The following GRM7 variants were observed in gnomAD, a reference collection of about 807,000 sequenced individuals.
The protein encoded by GRM7 is glutamate metabotropic receptor 7.
Under a neutral mutation model 84.5 loss-of-function variants are expected in GRM7, and 35 were observed. That is an observed-to-expected ratio of 0.41 (90% CI 0.32 to 0.55). The LOEUF (loss-of-function observed/expected upper bound fraction) is 0.55, where lower values mean the gene tolerates loss of function less well. Among genes scored for constraint, GRM7 ranks in the 20% least tolerant of loss-of-function variants. The probability of loss-of-function intolerance (pLI) is 0.19; values close to 1 mark genes in which losing one functional copy is unlikely to be tolerated. For synonymous variants in GRM7, 487 were observed against 455.1 expected (o/e 1.07, Z -0.89); for missense variants, 1,003 against 1,194.6 (o/e 0.84, Z 2.36).
intron 8 of GRM7, among the ~76,000 whole-genome samples, chr3:7,650,140 T>C (rs1425257962): frequency 6.6e-6 from 1 of 152,198 alleles, no homozygotes; most frequent in Non-Finnish European, 1.5e-5. Flanking sequence ...ATTTAAAAAA[T>C]GACTTAATGA....
At chr3:7,079,898 C>T (rs758765296) in intron 1 of GRM7, among the ~76,000 whole-genome samples, 5 of 152,152 alleles carry the variant, frequency 3.3e-5, no homozygotes, top group Non-Finnish European at 5.9e-5. Flanking sequence ...GGAGCAAGTG[C>T]TCAATAAGTG....
intron 2 of GRM7, among the ~76,000 whole-genome samples, chr3:7,261,020 G>T (rs528343380): frequency 6.6e-6 from 1 of 152,200 alleles, no homozygotes; most frequent in African/African-American, 2.4e-5. Flanking sequence ...CTGCTAGGGG[G>T]GTGCCAGTCT....
intron 2 of GRM7, among the ~76,000 whole-genome samples, chr3:7,250,948 TTAGC>T (rs1387758085): frequency 6.6e-6 from 1 of 152,168 alleles, no homozygotes; most frequent in Non-Finnish European, 1.5e-5. Context: ...TACTTGATTA[TTAGC>T]TAGAGAAACC....
chr3:7,728,125 C>G (rs954879177), intron 9 of GRM7, among the ~76,000 whole-genome samples: 5 of 152,140 alleles, frequency 3.3e-5, no homozygotes, highest in Non-Finnish European at 5.9e-5. Context: ...ACACACGTAC[C>G]CTTCTCACAT....
At chr3:7,065,175 C>G (rs1161590885) in intron 1 of GRM7, among the ~76,000 whole-genome samples, 1 of 151,912 alleles carries the variant, frequency 6.6e-6, no homozygotes, top group African/African-American at 2.4e-5. Context: ...TTTTGCTGTG[C>G]AAAAGCTCTT....
At chr3:7,142,274 A>G (rs183967270) in intron 1 of GRM7, among the ~76,000 whole-genome samples, 2 of 152,202 alleles carry the variant, frequency 1.3e-5, no homozygotes, top group East Asian at 3.9e-4. Context: ...ATTAATAACT[A>G]TATATGTGTA....
At chr3:7,682,372 GAGA>G (rs1176343205) in intron 9 of GRM7, 1 of 146,838 alleles carries the variant, frequency 6.8e-6, no homozygotes, top group African/African-American at 2.5e-5. Context: ...AGAAAAAAAA[GAGA>G]AGAATTTATA....
At chr3:7,721,175 C>T (rs943084483) in intron 9 of GRM7, among the ~76,000 whole-genome samples, 1 of 152,182 alleles carries the variant, frequency 6.6e-6, no homozygotes, top group African/African-American at 2.4e-5. Flanking sequence ...TTTCTAGGAA[C>T]AAAAACTATC....
chr3:7,714,408 T>G (rs1243677523), intron 9 of GRM7, among the ~76,000 whole-genome samples: 10 of 152,026 alleles, frequency 6.6e-5, no homozygotes. Flanking sequence ...AGGCCAAGAG[T>G]GATAAACAGA....
intron 2 of GRM7, among the ~76,000 whole-genome samples, chr3:7,204,949 T>A (rs1203552199): frequency 6.6e-6 from 1 of 152,218 alleles, no homozygotes; most frequent in Non-Finnish European, 1.5e-5. Context: ...AAGGCTTGGC[T>A]CCAGATATGT....
At chr3:7,195,297 C>G (rs1022115701) in intron 2 of GRM7, among the ~76,000 whole-genome samples, 1 of 152,174 alleles carries the variant, frequency 6.6e-6, no homozygotes, top group Non-Finnish European at 1.5e-5. Context: ...AAGACTGCCT[C>G]TGTCTCACTT....
At chr3:7,121,849 C>A (rs1452756275) in intron 1 of GRM7, among the ~76,000 whole-genome samples, 4 of 152,138 alleles carry the variant, frequency 2.6e-5, no homozygotes, top group Non-Finnish European at 5.9e-5. Flanking sequence ...CAAGGTGGGG[C>A]CTCAAAAGAG....
At chr3:6,974,376 C>G (rs541171433) in intron 1 of GRM7, among the ~76,000 whole-genome samples, 26 of 152,184 alleles carry the variant, frequency 1.7e-4, no homozygotes, top group African/African-American at 5.8e-4. Context: ...TTGAGGACAT[C>G]AATTTGGGAG....
At chr3:7,230,322 A>G (rs762609923) in intron 2 of GRM7, among the ~76,000 whole-genome samples, 29 of 152,272 alleles carry the variant, frequency 1.9e-4, no homozygotes, top group Non-Finnish European at 2.6e-4. Context: ...GGATATGCTT[A>G]TTGTTTTGTA....
chr3:6,887,191 A>AT (rs906086840), intron 1 of GRM7, among the ~76,000 whole-genome samples: 35 of 144,326 alleles, frequency 2.4e-4, no homozygotes, highest in South Asian at 1.1e-3. Flanking sequence ...GACTCTCTTT[A>AT]TTTTTTTTTT....
intron 1 of GRM7, among the ~76,000 whole-genome samples, chr3:7,073,612 A>T (rs917034586): frequency 6.6e-6 from 1 of 152,176 alleles, no homozygotes; most frequent in Admixed American, 6.6e-5. Context: ...GAAACACTGC[A>T]TCTGTTGAAC....
At chr3:7,510,293 C>A (rs565475914) in intron 7 of GRM7, among the ~76,000 whole-genome samples, 1 of 152,262 alleles carries the variant, frequency 6.6e-6, no homozygotes, top group East Asian at 1.9e-4. Flanking sequence ...AGAGAACATT[C>A]TGTATAGCCA....
At chr3:7,666,946 G>A (rs1418594431) in intron 8 of GRM7, among the ~76,000 whole-genome samples, 1 of 152,052 alleles carries the variant, frequency 6.6e-6, no homozygotes, top group East Asian at 1.9e-4. Flanking sequence ...TTGTGGAGAG[G>A]CATGTTGCAC....
chr3:7,006,086 C>T (rs1419309698), intron 1 of GRM7, among the ~76,000 whole-genome samples: 2 of 152,096 alleles, frequency 1.3e-5, no homozygotes, highest in Non-Finnish European at 2.9e-5. Flanking sequence ...TAACAACCTT[C>T]CCCCCTCCTG....
Sources: gnomAD v4.1 joint callset for allele counts (sites outside exome capture counted in the v4.1 genomes callset) on GRCh38, gnomAD v4.1.1 for gene constraint, MANE v1.5 for transcripts, NCBI Gene and HGNC (gene_info 2026-07-23, HGNC 2026-07-21) for gene names.